The following NAPB variants were observed in gnomAD, a reference collection of about 807,000 sequenced individuals.
NAPB encodes the protein NSF attachment protein beta.
In NAPB, 26 loss-of-function variants were observed where a neutral mutation model predicts 44.7. The observed-to-expected ratio is 0.58, with a 90% CI of 0.43 to 0.81. NAPB has a LOEUF of 0.81. Among genes scored for constraint, NAPB ranks in the 30% least tolerant of loss-of-function variants. The pLI is 0.00. For missense variants in NAPB, 315 were observed against 356.4 expected, an observed-to-expected ratio of 0.88 and a Z score of 0.94; for synonymous variants, 120 against 116.8, an observed-to-expected ratio of 1.03 and a Z score of -0.18.
chr20:23,384,346 G>A (rs1479580960), intron 7 of NAPB, among the ~76,000 whole-genome samples: 1 of 152,096 alleles, frequency 6.6e-6, no homozygotes, highest in Non-Finnish European at 1.5e-5. Flanking sequence ...CAGATGACTT[G>A]AGCTCAGGAG....
At chr20:23,409,495 TAAAAC>T (rs1352032083) in intron 1 of NAPB, among the ~76,000 whole-genome samples, 1 of 152,210 alleles carries the variant, frequency 6.6e-6, no homozygotes, top group Non-Finnish European at 1.5e-5. Context: ...GACCTATTTA[TAAAAC>T]AAAACAAACA....
At position 23,381,207 on chromosome 20, in the gene NAPB, C is replaced by G. The variant is rs1982976786; in HGVS notation, c.666+6G>C. The G allele has an allele frequency of 3.7e-6, 6 of 1,600,898 alleles. No individual in the cohort carries two copies. The highest frequency in any genetic ancestry group is 5.1e-6 in the Non-Finnish European group (6 of 1,168,204). On this transcript the variant is annotated splice_donor_region_variant and intron_variant, in intron 8 of 10. Transcript: ENST00000377026. Reference sequence around the variant, plus strand: ...ATCAGTCAATCAATGCTGAAGAACTCCTTACCTTGGCATTCAACTCGTCTA... The same window carrying G: ...ATCAGTCAATCAATGCTGAAGAACTGCTTACCTTGGCATTCAACTCGTCTA...
chr20:23,385,604 C>T (rs1983438156), intron 7 of NAPB, among the ~76,000 whole-genome samples: 1 of 151,986 alleles, frequency 6.6e-6, no homozygotes, highest in Non-Finnish European at 1.5e-5. Context: ...CCCAGCTACT[C>T]GGGAGGCTGA....
intron 1 of NAPB, among the ~76,000 whole-genome samples, chr20:23,417,809 TG>T (rs1426947253): frequency 6.6e-6 from 1 of 151,660 alleles, no homozygotes; most frequent in East Asian, 1.9e-4. Flanking sequence ...GGGAGGAAGG[TG>T]GGGATGGGAA....
At chr20:23,388,286 C>A (rs1270562395) in intron 7 of NAPB, among the ~76,000 whole-genome samples, 1 of 152,014 alleles carries the variant, frequency 6.6e-6, no homozygotes. Context: ...CACACATACA[C>A]CCCTACACCT....
At chr20:23,397,231 C>G (rs1212943406) in intron 2 of NAPB, 43 bp from the exon 3 acceptor site, 4 of 1,575,572 alleles carry the variant, frequency 2.5e-6, no homozygotes, top group South Asian at 1.1e-5. Context: ...ACAAGTCCCC[C>G]CCAGAGCAGC....
chr20:23,395,936 T>C (rs1271638642), intron 3 of NAPB, among the ~76,000 whole-genome samples: 2 of 152,168 alleles, frequency 1.3e-5, no homozygotes, highest in Admixed American at 1.3e-4. Context: ...ATTAGAAAGG[T>C]AAGCAGATGA....
chr20:23,421,335 G>A lies in NAPB; in HGVS notation c.68C>T (p.Ala23Val). ...CAGCCCTCGGAGGAAGGAGTGGGAG[G>A]CCTTGACTCGCTTCTCGGCCTCCGC... ...LMAEAEKRVK[A>V]SHSFLRGLFG... Residue 23 changes from alanine to valine, a missense_variant, in exon 1 of 11, where the codon GCC becomes GTC. Transcript: ENST00000377026. 2 of 1,565,086 alleles carry A rather than the reference G, an allele frequency of 1.3e-6. No homozygotes were observed. Among genetic ancestry groups the A allele is most frequent in the Admixed American group, 1.9e-5 (1 of 53,814 alleles).
intron 1 of NAPB, among the ~76,000 whole-genome samples, chr20:23,404,810 C>T (rs1985116490): frequency 6.6e-6 from 1 of 152,144 alleles, no homozygotes; most frequent in Non-Finnish European, 1.5e-5. Context: ...CCACATGGCT[C>T]CTGCTAGGAT....
intron 1 of NAPB, among the ~76,000 whole-genome samples, chr20:23,405,588 G>C (rs1985192715): frequency 6.6e-6 from 1 of 152,152 alleles, no homozygotes; most frequent in Non-Finnish European, 1.5e-5. Flanking sequence ...GCTGGGCATG[G>C]TGGCGGGTGC....
chr20:23,396,714 G>A (rs1331882332), intron 3 of NAPB: 1 of 153,868 alleles, frequency 6.5e-6, no homozygotes, highest in East Asian at 1.9e-4. Flanking sequence ...GGGAACATAA[G>A]AGTTTCCTTT....
At chr20:23,392,428 G>A (rs917533255) in intron 5 of NAPB, among the ~76,000 whole-genome samples, 15 of 152,112 alleles carry the variant, frequency 9.9e-5, no homozygotes, top group African/African-American at 3.6e-4. Flanking sequence ...GCATTTGGGA[G>A]GCCAAGATGG....
At chr20:23,389,850 T>C (rs1983822651) in intron 7 of NAPB, 96 bp downstream of exon 7, 1 of 1,011,232 alleles carries the variant, frequency 9.9e-7, no homozygotes, top group Non-Finnish European at 1.5e-6. Flanking sequence ...CATTACGTGA[T>C]GTGTGGATTA....
At chr20:23,405,393 T>C (rs1985173979) in intron 1 of NAPB, among the ~76,000 whole-genome samples, 1 of 151,842 alleles carries the variant, frequency 6.6e-6, no homozygotes, top group Non-Finnish European at 1.5e-5. Flanking sequence ...ACACAAAAAC[T>C]TGTATGCAAC....
chr20:23,420,550 GC>G (rs1332128794), intron 1 of NAPB, among the ~76,000 whole-genome samples: 2 of 151,912 alleles, frequency 1.3e-5, no homozygotes, highest in Non-Finnish European at 2.9e-5. Context: ...GCCGGGGGCG[GC>G]CCCCGCACCC....
At chr20:23,380,253 G>A (rs1250048513) in intron 8 of NAPB, among the ~76,000 whole-genome samples, 1 of 152,238 alleles carries the variant, frequency 6.6e-6, no homozygotes, top group Non-Finnish European at 1.5e-5. Flanking sequence ...ATACAGTCCA[G>A]ATTCCAAATA....
intron 1 of NAPB, among the ~76,000 whole-genome samples, chr20:23,405,617 A>G (rs2424540): frequency 0.3 from 45,162 of 151,904 alleles, 6,747 homozygotes; most frequent in Middle Eastern, 0.38. Flanking sequence ...CCAGCTACAC[A>G]GGAGGCTGAG....
chr20:23,397,341 G>T, intron 2 of NAPB, 153 bp from the exon 3 acceptor site: 1 of 877,912 alleles, frequency 1.1e-6, no homozygotes, highest in Non-Finnish European at 1.6e-6. Context: ...TGCACCTCGG[G>T]CAAATATAAA....
intron 1 of NAPB, among the ~76,000 whole-genome samples, chr20:23,407,834 C>T (rs372920647): frequency 6.6e-6 from 1 of 152,176 alleles, no homozygotes; most frequent in African/African-American, 2.4e-5. Context: ...GCTGTGAAAA[C>T]CAATTCATCT....
Sources: gnomAD v4.1 joint callset for allele counts (sites outside exome capture counted in the v4.1 genomes callset) on GRCh38, gnomAD v4.1.1 for gene constraint, MANE v1.5 for transcripts, NCBI Gene and HGNC (gene_info 2026-07-23, HGNC 2026-07-21) for gene names.